The following MAP3K5 variants were observed in gnomAD, a reference collection of about 807,000 sequenced individuals.
The protein encoded by MAP3K5 is mitogen-activated protein kinase kinase kinase 5.
In MAP3K5, 56 loss-of-function variants were observed where a neutral mutation model predicts 158.7. The ratio of observed to expected loss-of-function variants is 0.35; its 90% CI spans 0.28 to 0.44. The LOEUF is 0.44. Among genes scored for constraint, MAP3K5 ranks in the 20% least tolerant of loss-of-function variants. The pLI is 1.00. For missense variants in MAP3K5, 1,294 were observed against 1,674.8 expected (o/e 0.77, Z 3.97); for synonymous variants, 579 against 601.7 (o/e 0.96, Z 0.55).
chr6:136,643,497 C>T (rs1172402944), intron 11 of MAP3K5, among the ~76,000 whole-genome samples: 1 of 152,174 alleles, frequency 6.6e-6, no homozygotes, highest in Non-Finnish European at 1.5e-5. Flanking sequence ...AGGCTGAGGT[C>T]TTGCCTGGGC....
At chr6:136,656,528 T>C in intron 9 of MAP3K5, 68 bp from the exon 10 acceptor site, 1 of 935,848 alleles carries the variant, frequency 1.1e-6, no homozygotes, top group South Asian at 1.7e-5. Context: ...TGTATCCCAG[T>C]CTAATTCTGT....
chr6:136,600,132 G>A (rs1268005711), intron 21 of MAP3K5, among the ~76,000 whole-genome samples: 4 of 151,426 alleles, frequency 2.6e-5, no homozygotes, highest in Non-Finnish European at 5.9e-5. Context: ...TAAGCCCCCT[G>A]AACTGTTTGA....
intron 7 of MAP3K5, among the ~76,000 whole-genome samples, chr6:136,687,191 TA>T (rs1289504670): frequency 6.6e-6 from 1 of 152,190 alleles, no homozygotes; most frequent in African/African-American, 2.4e-5. Context: ...CCCTATTTAA[TA>T]AATGGTGTTG....
At chr6:136,753,618 G>C (rs1268187729) in intron 1 of MAP3K5, among the ~76,000 whole-genome samples, 1 of 151,972 alleles carries the variant, frequency 6.6e-6, no homozygotes, top group Non-Finnish European at 1.5e-5. Flanking sequence ...AATTATTCTT[G>C]GGTCAGGTGA....
intron 1 of MAP3K5, among the ~76,000 whole-genome samples, chr6:136,771,780 C>T (rs1470539887): frequency 6.6e-6 from 1 of 152,152 alleles, no homozygotes; most frequent in Non-Finnish European, 1.5e-5. Context: ...CTTTGGGTCT[C>T]GCCTACCCTG....
chr6:136,566,263 T>C lies in MAP3K5; in HGVS notation c.3761+1368A>G, dbSNP rs2129069594. On this transcript the variant is annotated intron_variant, in intron 26 of 29. Coordinates refer to ENST00000359015, the MANE Select transcript of MAP3K5 (RefSeq NM_005923.4). ...CAGCCAGGTGTGTAGACAGGAGGTT[T>C]CAGGGCCAGAAAAGCAGATATACCA... is the stretch of plus-strand genomic sequence containing the variant. Among the ~76,000 whole-genome samples the C allele has an allele frequency of 2.0e-5, 3 of 152,314 alleles. No individual in the cohort carries two copies. In the South Asian group the frequency reaches 6.2e-4, roughly 32 times the overall value.
chr6:136,659,131 T>C, intron 9 of MAP3K5, 88 bp downstream of exon 9: 2 of 1,153,146 alleles, frequency 1.7e-6, no homozygotes, highest in Non-Finnish European at 2.5e-6. Context: ...GCAAATAAAA[T>C]CATCTAATTG....
intron 10 of MAP3K5, 84 bp downstream of exon 10, chr6:136,656,223 C>T: frequency 8.1e-7 from 1 of 1,241,946 alleles, no homozygotes; most frequent in Non-Finnish European, 1.2e-6. Context: ...CACCAAAAAT[C>T]AGCCCCCAAG....
rs538891276 is a variant in MAP3K5, at chr6:136,592,528, T to TGTC, written c.2962_2964dup (p.Asp988dup). On this transcript the variant is annotated inframe_insertion, in exon 22 of 30. Transcript: ENST00000359015. ...GAGAAGGGGTCCACTTTCAACTCCG[T>TGTC]GTCGGGTGAAACTGAGCCGTACTCA... 0.016 allele frequency: 25,577 copies of TGTC among 1,613,936 alleles called. 224 individuals are homozygous for TGTC. Among genetic ancestry groups the TGTC allele is most frequent in the Non-Finnish European group, 0.019 (21,949 of 1,179,956 alleles).
At chr6:136,625,807 T>C (rs189235337) in intron 14 of MAP3K5, among the ~76,000 whole-genome samples, 2 of 152,034 alleles carry the variant, frequency 1.3e-5, no homozygotes, top group African/African-American at 2.4e-5. Context: ...TGAAAACATA[T>C]ATGACAAATC....
intron 2 of MAP3K5, among the ~76,000 whole-genome samples, chr6:136,716,876 G>A (rs1781552361): frequency 6.6e-6 from 1 of 152,106 alleles, no homozygotes; most frequent in Non-Finnish European, 1.5e-5. Flanking sequence ...AAAAAGAATT[G>A]GCCAGGCACA....
intron 14 of MAP3K5, 94 bp downstream of exon 14, chr6:136,637,231 T>C (rs1434242791): frequency 4.8e-6 from 6 of 1,248,318 alleles, no homozygotes; most frequent in Admixed American, 1.8e-5. Flanking sequence ...GACAGTCTCC[T>C]ACCCCTCATA....
intron 8 of MAP3K5, among the ~76,000 whole-genome samples, chr6:136,665,717 C>A (rs1476037860): frequency 1.3e-5 from 2 of 152,182 alleles, no homozygotes; most frequent in Non-Finnish European, 2.9e-5. Flanking sequence ...GTACTTACTT[C>A]TTTCCTTATA....
In MAP3K5 at chr6:136,716,027, C is replaced by CAAAAAAAAAAAAAAAAAAAAAAAA. The variant is rs60678515; in HGVS notation, c.588+4399_588+4422dup. 6.5e-4 allele frequency among the ~76,000 whole-genome samples: 15 copies of CAAAAAAAAAAAAAAAAAAAAAAAA among 23,034 alleles called. 4 individuals carry two copies. Among genetic ancestry groups the CAAAAAAAAAAAAAAAAAAAAAAAA allele is most frequent in the East Asian group, 3.4e-3 (1 of 294 alleles). 15.1% of individuals were successfully genotyped at this position (23,034 alleles called of 152,430 possible). ...CCCGGGTGACAAAGCAAGATCGTCT[C>CAAAAAAAAAAAAAAAAAAAAAAAA]AAAAAAAAAAAAAAAAAAAAAAAAA... On this transcript the variant is annotated intron_variant, in intron 2 of 29. Transcript: ENST00000359015.
intron 11 of MAP3K5, among the ~76,000 whole-genome samples, chr6:136,650,021 TC>T (rs1289971623): frequency 6.6e-6 from 1 of 152,214 alleles, no homozygotes; most frequent in African/African-American, 2.4e-5. Context: ...TTTTCCCTTC[TC>T]ACCATTGAAT....
intron 7 of MAP3K5, among the ~76,000 whole-genome samples, chr6:136,681,209 T>TG (rs1177159539): frequency 2.6e-5 from 4 of 152,212 alleles, no homozygotes; most frequent in African/African-American, 7.2e-5. Flanking sequence ...TTCAGTATAA[T>TG]GCCTGGCAAA....
At chr6:136,569,333 G>A (rs927768032) in intron 25 of MAP3K5, among the ~76,000 whole-genome samples, 1 of 152,156 alleles carries the variant, frequency 6.6e-6, no homozygotes, top group Non-Finnish European at 1.5e-5. Flanking sequence ...ATTCAACTAA[G>A]AGTCTCACAC....
In MAP3K5 at chr6:136,791,809, G is replaced by A; in HGVS notation, c.349C>T (p.Arg117Trp). Residue 117 changes from arginine to tryptophan, a missense_variant, in exon 1 of 30, where the codon CGG (arginine) becomes TGG (tryptophan). Arg to Trp is a moderately radical substitution (Grantham distance 101). Around this residue, in one of 5 missense-constraint regions of MAP3K5, gnomAD observed 690 missense variants for 870.5 expected, o/e 0.79. Coordinates refer to ENST00000359015, the MANE Select transcript of MAP3K5 (RefSeq NM_005923.4). ...GCGCCCACTGTCTCGCACGCCTCCC[G>A]CAAGCTCTGCAGGGCCTCGCTCTCG... ...VAESEALQSL[R>W]EACETVGATL... The A allele has an allele frequency of 6.2e-7, 1 of 1,613,716 alleles. No individual in the cohort carries two copies. The highest frequency in any genetic ancestry group is 8.5e-7 in the Non-Finnish European group (1 of 1,180,022).
chr6:136,664,959 A>G (rs1779163083), intron 8 of MAP3K5, among the ~76,000 whole-genome samples: 1 of 152,096 alleles, frequency 6.6e-6, no homozygotes, highest in African/African-American at 2.4e-5. Context: ...AAAATCAAAA[A>G]GAAGAGCTGC....
Sources: allele counts gnomAD v4.1 joint callset (sites outside exome capture counted in the v4.1 genomes callset), GRCh38; gene constraint gnomAD v4.1.1; regional missense constraint gnomAD v4.1.1; transcripts MANE v1.5; gene names NCBI Gene and HGNC (gene_info 2026-07-23, HGNC 2026-07-21).